Variants in NAALADL2 observed in about 807,000 individuals in gnomAD.
NAALADL2 encodes N-acetylated alpha-linked acidic dipeptidase like 2.
NAALADL2 carries 76 observed loss-of-function variants against 87.2 expected under a neutral mutation model. The ratio of observed to expected loss-of-function variants is 0.87; its 90% CI spans 0.72 to 1.05. The LOEUF (loss-of-function observed/expected upper bound fraction) is 1.05. Among genes scored for constraint, NAALADL2 ranks in the 50% least tolerant of loss-of-function variants. The pLI is 0.00. For missense variants in NAALADL2, 1,089 were observed against 945.8 expected (o/e 1.15, Z -1.99); for synonymous variants, 354 against 331.0 (o/e 1.07, Z -0.75).
intron 1 of NAALADL2, among the ~76,000 whole-genome samples, chr3:175,069,904 T>C: frequency 6.8e-6 from 1 of 146,724 alleles, no homozygotes; most frequent in Non-Finnish European, 1.5e-5. Flanking sequence ...CAGTAAACTA[T>C]CGCAAGAACA....
chr3:175,202,489 A>T (rs1228075816), intron 2 of NAALADL2, among the ~76,000 whole-genome samples: 1 of 152,196 alleles, frequency 6.6e-6, no homozygotes, highest in African/African-American at 2.4e-5. Flanking sequence ...CCCACACAAC[A>T]TGCCAATAAC....
chr3:174,724,449 T>C (rs1731998424), intron 2 of NAALADL2, among the ~76,000 whole-genome samples: 1 of 152,200 alleles, frequency 6.6e-6, no homozygotes, highest in Non-Finnish European at 1.5e-5. Context: ...ACTAATATGG[T>C]AATCCCATGT....
rs924141441 is a variant in NAALADL2 at position 175,300,266 on chromosome 3, T to C, written c.940-23909T>C. Among the ~76,000 whole-genome samples the C allele has an allele frequency of 2.6e-5, 4 of 152,290 alleles. No individual in the cohort carries two copies. In the East Asian group the frequency reaches 5.8e-4, roughly 22 times the overall value. On this transcript the variant is annotated intron_variant, in intron 4 of 13. Transcript: ENST00000454872. ...GAATTTTCTTTTTTGTTGTTGTGTC[T>C]CTGCTAGGTTTTCGTATCAGGATGA...
chr3:175,118,603 T>C (rs6774272), intron 2 of NAALADL2, among the ~76,000 whole-genome samples: 91,006 of 150,836 alleles, frequency 0.6, 27,921 homozygotes, highest in African/African-American at 0.73. Context: ...ATAACTTATT[T>C]GGTTGTCTCT....
chr3:174,561,201 C>CTT (rs200957982), intron 2 of NAALADL2, among the ~76,000 whole-genome samples: 4 of 130,754 alleles, frequency 3.1e-5, no homozygotes, highest in Admixed American at 1.6e-4. Context: ...AATAGGATTC[C>CTT]TTTTTTTTTT....
At chr3:175,013,169 A>AATACATATTTATATATAAATATAT (rs1183635201) in intron 1 of NAALADL2, among the ~76,000 whole-genome samples, 2 of 110,070 alleles carry the variant, frequency 1.8e-5, no homozygotes, top group Non-Finnish European at 3.8e-5. Context: ...ATAAATATGT[A>AATACATATTTATATATAAATATAT]ATACATATTT....
intron 5 of NAALADL2, among the ~76,000 whole-genome samples, chr3:175,406,955 C>T (rs995108345): frequency 1.3e-5 from 2 of 151,846 alleles, no homozygotes; most frequent in Non-Finnish European, 2.9e-5. Flanking sequence ...CTGAGGTGGG[C>T]GGATCATCAG....
chr3:174,859,688 A>G (rs370433806), intron 1 of NAALADL2, among the ~76,000 whole-genome samples: 1 of 152,072 alleles, frequency 6.6e-6, no homozygotes, highest in African/African-American at 2.4e-5. Flanking sequence ...CAGAATCACA[A>G]ATTTGGGGGA....
rs1364199898 is a variant in NAALADL2 at position 174,555,059 on chromosome 3, A to AAT, written c.-115+4423_-115+4424insTA. Among the ~76,000 whole-genome samples, 8 of 152,310 alleles carry AAT rather than the reference A, an allele frequency of 5.3e-5. No individual in the cohort carries two copies. The South Asian group carries it at 1.0e-3, about 20-fold the overall frequency. On this transcript the variant is annotated intron_variant, in intron 2 of 3. Coordinates refer to the NAALADL2 transcript ENST00000434257. Reference sequence around the variant, plus strand: ...GCCCTCATGACCTAGTCACCTACTAAAGGCCCAGCTCTTATTATTGTTGCA... The same window carrying AAT: ...GCCCTCATGACCTAGTCACCTACTAAATAGGCCCAGCTCTTATTATTGTTGCA...
At chr3:174,521,833 C>G (rs1578076092) in intron 1 of NAALADL2, among the ~76,000 whole-genome samples, 2 of 152,100 alleles carry the variant, frequency 1.3e-5, no homozygotes, top group African/African-American at 4.8e-5. Flanking sequence ...CTGCTGGATA[C>G]ATTGTTTATT....
At chr3:175,276,928 A>T (rs1282823367) in intron 4 of NAALADL2, among the ~76,000 whole-genome samples, 1 of 152,152 alleles carries the variant, frequency 6.6e-6, no homozygotes, top group African/African-American at 2.4e-5. Context: ...TATGCTAACT[A>T]TTAACAGCTG....
intron 1 of NAALADL2, among the ~76,000 whole-genome samples, chr3:174,970,000 T>C (rs116771609): frequency 6.6e-6 from 1 of 152,338 alleles, no homozygotes; most frequent in Non-Finnish European, 1.5e-5. Context: ...TAAAATCAAC[T>C]TGAGTTCTTT....
chr3:174,580,920 G>A (rs772203420), intron 2 of NAALADL2, among the ~76,000 whole-genome samples: 4 of 152,020 alleles, frequency 2.6e-5, no homozygotes, highest in Non-Finnish European at 5.9e-5. Context: ...AATGTTTTCC[G>A]AAGTGGTTGT....
intron 1 of NAALADL2, among the ~76,000 whole-genome samples, chr3:174,549,554 C>A (rs1197698162): frequency 1.3e-5 from 2 of 152,110 alleles, no homozygotes; most frequent in Non-Finnish European, 2.9e-5. Context: ...ATGTCAGATA[C>A]TAAATTAACA....
chr3:174,450,861 C>G (rs1715429190), intron 1 of NAALADL2, among the ~76,000 whole-genome samples: 1 of 101,104 alleles, frequency 9.9e-6, no homozygotes, highest in Non-Finnish European at 1.8e-5. Flanking sequence ...CAGAATGAGA[C>G]TCTGTCTCAA....
At chr3:175,751,698 A>C (rs529009736) in intron 12 of NAALADL2, among the ~76,000 whole-genome samples, 65 of 152,186 alleles carry the variant, frequency 4.3e-4, no homozygotes, top group African/African-American at 1.4e-3. Context: ...AAATAGTTGT[A>C]TTAACTCGCT....
intron 3 of NAALADL2, among the ~76,000 whole-genome samples, chr3:174,768,367 G>C (rs1337149501): frequency 1.3e-5 from 2 of 152,006 alleles, no homozygotes; most frequent in Non-Finnish European, 2.9e-5. Flanking sequence ...GATAGAGCTG[G>C]GTTTGTGCTT....
At chr3:175,080,298 G>A (rs1211912418) in intron 1 of NAALADL2, among the ~76,000 whole-genome samples, 2 of 152,158 alleles carry the variant, frequency 1.3e-5, no homozygotes, top group Non-Finnish European at 2.9e-5. Context: ...CTGTTAAGAG[G>A]TTATCTCTGT....
intron 2 of NAALADL2, among the ~76,000 whole-genome samples, chr3:175,174,789 A>G (rs77879951): frequency 0.017 from 860 of 51,944 alleles, 2 homozygotes; most frequent in Middle Eastern, 0.051. Context: ...GTGTGTGTGT[A>G]TATATATGTG....
Sources: gnomAD v4.1 joint callset for allele counts (sites outside exome capture counted in the v4.1 genomes callset) on GRCh38, gnomAD v4.1.1 for gene constraint, MANE v1.5 for transcripts, NCBI Gene and HGNC (gene_info 2026-07-23, HGNC 2026-07-21) for gene names.